The following FHL2 variants were observed in gnomAD, a reference collection of about 807,000 sequenced individuals.
FHL2 encodes the protein four and a half LIM domains 2.
A neutral mutation model predicts 32.7 loss-of-function variants in FHL2; 20 were observed. That is an observed-to-expected ratio of 0.61 (90% CI 0.43 to 0.89). FHL2 has a LOEUF of 0.89. Among genes scored for constraint, FHL2 ranks in the 40% least tolerant of loss-of-function variants. The probability of loss-of-function intolerance (pLI) is 0.00; values close to 1 mark genes in which losing one functional copy is unlikely to be tolerated. For missense variants in FHL2, 311 were observed against 358.6 expected (o/e 0.87, Z 1.07); for synonymous variants, 123 against 128.1 (o/e 0.96, Z 0.27).
chr2:105,391,560 G>A (rs1682736209), intron 2 of FHL2, among the ~76,000 whole-genome samples: 1 of 152,174 alleles, frequency 6.6e-6, no homozygotes, highest in Admixed American at 6.5e-5. Context: ...TGAGGGCCTG[G>A]ATGCCTTGTT....
In FHL2 at chr2:105,410,237, TAGG is replaced by T. The variant is rs781612840; in HGVS notation, c.-24-23700_-24-23698del. On this transcript the variant is annotated intron_variant, in intron 1 of 5. Transcript: ENST00000393352. ...GAGGCCGGAGAGGCAGCTTGCCAGC[TAGG>T]AGAACACCTGAGCAGTCTTAAACCC... Among the ~76,000 whole-genome samples the T allele has an allele frequency of 2.1e-4, 32 of 152,358 alleles. No individual in the cohort carries two copies. The East Asian group carries it at 3.7e-3, about 17-fold the overall frequency.
chr2:105,424,377 A>G (rs1354109559), intron 1 of FHL2, among the ~76,000 whole-genome samples: 2 of 152,222 alleles, frequency 1.3e-5, no homozygotes, highest in Admixed American at 1.3e-4. Flanking sequence ...TCAGGAAACA[A>G]CAGATGCTGG....
chr2:105,404,152 C>A (rs1420249766), upstream of FHL2, among the ~76,000 whole-genome samples: 1 of 152,140 alleles, frequency 6.6e-6, no homozygotes, highest in East Asian at 1.9e-4. Flanking sequence ...GAGGTCAGAC[C>A]GCCCTATGTT....
At chr2:105,430,908 T>A (rs1426647446) in intron 1 of FHL2, among the ~76,000 whole-genome samples, 2 of 152,206 alleles carry the variant, frequency 1.3e-5, no homozygotes, top group African/African-American at 4.8e-5. Flanking sequence ...ACCCATTATG[T>A]CCAATCACAT....
At chr2:105,399,931 G>A (rs1194608111), upstream of FHL2, among the ~76,000 whole-genome samples, 1 of 152,182 alleles carries the variant, frequency 6.6e-6, no homozygotes, top group East Asian at 1.9e-4. Context: ...AACATTCGGG[G>A]CAGCTCATAG....
intron 1 of FHL2, among the ~76,000 whole-genome samples, chr2:105,416,564 A>G (rs1683944569): frequency 6.6e-6 from 1 of 152,258 alleles, no homozygotes; most frequent in Admixed American, 6.5e-5. Flanking sequence ...TCACATCAAT[A>G]CTTTTCATAT....
At chr2:105,391,496 T>G (rs1054403954) in intron 2 of FHL2, among the ~76,000 whole-genome samples, 1 of 150,670 alleles carries the variant, frequency 6.6e-6, no homozygotes, top group Non-Finnish European at 1.5e-5. Context: ...AGAGACAGAG[T>G]AGGGTAGGCA....
intron 3 of FHL2, among the ~76,000 whole-genome samples, chr2:105,374,787 A>G (rs1681346003): frequency 6.6e-6 from 1 of 152,214 alleles, no homozygotes; most frequent in Non-Finnish European, 1.5e-5. Flanking sequence ...GCCCAGCTTT[A>G]TCTTAGAAAG....
At chr2:105,367,787 T>A in intron 4 of FHL2, 48 bp from the exon 5 acceptor site, 1 of 1,564,030 alleles carries the variant, frequency 6.4e-7, no homozygotes, top group Non-Finnish European at 8.7e-7. Flanking sequence ...GTTAGAGGGG[T>A]GTGGAGTCCC....
chr2:105,381,261 T>C (rs1681864566), intron 3 of FHL2, among the ~76,000 whole-genome samples: 2 of 152,142 alleles, frequency 1.3e-5, no homozygotes, highest in South Asian at 4.1e-4. Context: ...TGTACATTCT[T>C]TCAAATCCTT....
intron 3 of FHL2, chr2:105,376,105 G>A (rs1444552222): frequency 6.6e-6 from 1 of 152,156 alleles, no homozygotes; most frequent in African/African-American, 2.4e-5. Flanking sequence ...CACTAGTGAT[G>A]ACCATCATTA....
chr2:105,368,750 C>T (rs577098442), intron 4 of FHL2, among the ~76,000 whole-genome samples: 11 of 152,196 alleles, frequency 7.2e-5, no homozygotes, highest in East Asian at 3.9e-4. Flanking sequence ...TTTATAGTAA[C>T]GGATGATTCC....
rs11124029 is a variant in FHL2 at position 105,361,304 on chromosome 2, G to A, written c.819C>T (p.Pro273=). Residue 273 remains proline, a synonymous_variant, in exon 7 of 7, where the codon CCC becomes CCT. Coordinates refer to ENST00000530340, the MANE Select transcript of FHL2 (RefSeq NM_001318895.3). ...FLTERDDILC[P]DCGKDI Reference sequence around the variant, plus strand: ...GAATTCAGATGTCTTTCCCACAGTCGGGGCACAGGATGTCGTCCCTCTCTG... The same window carrying A: ...GAATTCAGATGTCTTTCCCACAGTCAGGGCACAGGATGTCGTCCCTCTCTG... The A allele has an allele frequency of 0.18, 290,402 of 1,613,040 alleles. 27,859 individuals carry two copies. Among genetic ancestry groups the A allele is most frequent in the Middle Eastern group, 0.2 (1,208 of 6,058 alleles).
chr2:105,390,560 T>C (rs1424040413), intron 2 of FHL2, among the ~76,000 whole-genome samples: 2 of 152,156 alleles, frequency 1.3e-5, no homozygotes, highest in Non-Finnish European at 2.9e-5. Flanking sequence ...AGAGCATTTC[T>C]ACTCCAACCA....
intron 3 of FHL2, among the ~76,000 whole-genome samples, chr2:105,382,548 G>C (rs116160176): frequency 6.6e-6 from 1 of 152,332 alleles, no homozygotes; most frequent in South Asian, 2.1e-4. Flanking sequence ...TAGGGTGTTA[G>C]GAGAAATTTA....
chr2:105,360,232 G>A (rs1301612355), downstream of FHL2: 2 of 150,346 alleles, frequency 1.3e-5, no homozygotes, highest in East Asian at 2.0e-4. Flanking sequence ...AACGCGGGAA[G>A]TGGAGGTTGC....
chr2:105,373,848 C>G, intron 3 of FHL2, 115 bp from the exon 4 acceptor site: 1 of 851,428 alleles, frequency 1.2e-6, no homozygotes. Flanking sequence ...TGGGCCGAGG[C>G]ACCCTGGCGC....
chr2:105,389,509 G>A (rs1427451229), intron 2 of FHL2, among the ~76,000 whole-genome samples: 2 of 152,178 alleles, frequency 1.3e-5, no homozygotes, highest in Admixed American at 6.5e-5. Flanking sequence ...TTGGGAATTT[G>A]AAATAAGAAC....
At position 105,399,011 on chromosome 2, in the gene FHL2, G is replaced by C; in HGVS notation, c.-245C>G. 1.3e-6 allele frequency: 2 copies of C among 1,498,026 alleles called. No homozygotes were observed. Among genetic ancestry groups the C allele is most frequent in the Non-Finnish European group, 1.8e-6 (2 of 1,126,840 alleles). The allele number at this position is 1,498,026 out of a possible 1,614,324, so 92.8% of individuals were successfully genotyped here. A position where few individuals can be genotyped will look rare whatever the true frequency, so the allele number is the denominator to read the frequency against. ...GGGGACTCCCGGACGGGGCTGGAGG[G>C]CGCGGGCGGCTGGTGGCTGCGGCTC... On this transcript the variant is annotated 5_prime_UTR_variant, in exon 1 of 7. Transcript: ENST00000530340.
Sources: gnomAD v4.1 joint callset for allele counts (sites outside exome capture counted in the v4.1 genomes callset) on GRCh38, gnomAD v4.1.1 for gene constraint, MANE v1.5 for transcripts, NCBI Gene and HGNC (gene_info 2026-07-23, HGNC 2026-07-21) for gene names.